HIVEP3: variants seen among roughly 807,000 people sequenced by gnomAD.
HIVEP3 encodes transcription factor HIVEP3.
In HIVEP3, 49 loss-of-function variants were observed where a neutral mutation model predicts 152.8. The ratio of observed to expected loss-of-function variants is 0.32; its 90% CI spans 0.26 to 0.41. The LOEUF (loss-of-function observed/expected upper bound fraction) is 0.41. Among genes scored for constraint, HIVEP3 ranks in the 10% least tolerant of loss-of-function variants. The probability of loss-of-function intolerance (pLI) is 1.00; values close to 1 mark genes in which losing one functional copy is unlikely to be tolerated. For synonymous variants in HIVEP3, 1,269 were observed against 1,289.0 expected (o/e 0.98, Z 0.33); for missense variants, 2,790 against 3,103.3 (o/e 0.90, Z 2.40).
At position 41,513,076 on chromosome 1, in the gene HIVEP3, C is replaced by G. The variant is rs781092073; in HGVS notation, c.6145G>C (p.Ala2049Pro). 6.2e-7 allele frequency: 1 copy of G among 1,613,896 alleles called. No homozygotes were observed. Among genetic ancestry groups the G allele is most frequent in the South Asian group, 1.1e-5 (1 of 91,080 alleles). The change falls in exon 8 of 9, where the codon GCA becomes CCA. Residue 2049 changes from alanine to proline, a missense_variant. By Grantham distance (27) the Ala-to-Pro change is conservative. Coordinates refer to ENST00000372583, the MANE Select transcript of HIVEP3 (RefSeq NM_024503.5). ...CCCTCGAGTTTGGAGAGCACATGTG[C>G]TCGAGGGGCCAGTTCTCTTCCCAGG... is the stretch of plus-strand genomic sequence containing the variant. ...CPLGRELAPR[A>P]HVLSKLEGTT...
chr1:41,930,754 C>T (rs1644992678), intron 1 of HIVEP3, among the ~76,000 whole-genome samples: 1 of 152,138 alleles, frequency 6.6e-6, no homozygotes, highest in South Asian at 2.1e-4. Flanking sequence ...GTTCCAGAGG[C>T]TCTGCATCCT....
At chr1:41,728,253 C>T (rs1002667593) in intron 1 of HIVEP3, among the ~76,000 whole-genome samples, 1 of 152,180 alleles carries the variant, frequency 6.6e-6, no homozygotes, top group Admixed American at 6.5e-5. Context: ...AAAGCTAGAA[C>T]AATAAGCATA....
intron 1 of HIVEP3, among the ~76,000 whole-genome samples, chr1:41,816,269 G>A (rs1171429467): frequency 6.6e-6 from 1 of 152,172 alleles, no homozygotes; most frequent in Non-Finnish European, 1.5e-5. Context: ...TGGCACAATC[G>A]GGGTGGGTAC....
chr1:41,665,419 T>C (rs1645779791), intron 2 of HIVEP3, among the ~76,000 whole-genome samples: 1 of 152,076 alleles, frequency 6.6e-6, no homozygotes, highest in Admixed American at 6.5e-5. Context: ...TACTTGGCCC[T>C]GGGGGCCTTC....
intron 1 of HIVEP3, among the ~76,000 whole-genome samples, chr1:42,006,342 C>T (rs1221825880): frequency 2.0e-5 from 3 of 152,040 alleles, no homozygotes; most frequent in Non-Finnish European, 4.4e-5. Flanking sequence ...TGCAAAGCAC[C>T]AGAGCAGCGG....
chr1:41,924,032 T>C (rs930592717), intron 1 of HIVEP3, among the ~76,000 whole-genome samples: 4 of 152,160 alleles, frequency 2.6e-5, no homozygotes, highest in South Asian at 2.1e-4. Flanking sequence ...TTTCACCTTA[T>C]ATGGCAAAAG....
chr1:41,631,858 C>T (rs35608410), intron 2 of HIVEP3, among the ~76,000 whole-genome samples: 3,086 of 152,268 alleles, frequency 0.02, 40 homozygotes, highest in Middle Eastern at 0.048. Context: ...TGTAGAAACA[C>T]TCACTTCTCA....
At chr1:41,943,721 C>T (rs373038969) in intron 1 of HIVEP3, among the ~76,000 whole-genome samples, 3 of 152,134 alleles carry the variant, frequency 2.0e-5, no homozygotes, top group East Asian at 1.9e-4. Context: ...TAAATTAGTA[C>T]GGTTATGGCA....
At chr1:42,024,084 G>A (rs562279615) in intron 1 of HIVEP3, among the ~76,000 whole-genome samples, 2 of 152,246 alleles carry the variant, frequency 1.3e-5, no homozygotes, top group South Asian at 4.1e-4. Context: ...AATAAGACAT[G>A]ATATCCATAC....
intron 1 of HIVEP3, among the ~76,000 whole-genome samples, chr1:41,913,011 C>T (rs1018951219): frequency 4.6e-5 from 7 of 152,194 alleles, no homozygotes; most frequent in African/African-American, 7.2e-5. Context: ...CTGTATGTTG[C>T]AAAGCCACAG....
At chr1:41,586,862 TAGA>T (rs1218241161) in intron 3 of HIVEP3, among the ~76,000 whole-genome samples, 3 of 151,984 alleles carry the variant, frequency 2.0e-5, no homozygotes, top group Non-Finnish European at 4.4e-5. Flanking sequence ...ACCATATTTA[TAGA>T]AGAATGACAA....
At chr1:41,703,457 A>G (rs539481489) in intron 1 of HIVEP3, among the ~76,000 whole-genome samples, 1 of 152,168 alleles carries the variant, frequency 6.6e-6, no homozygotes. Flanking sequence ...TCTGATACTT[A>G]ATAGCTGTGG....
intron 2 of HIVEP3, among the ~76,000 whole-genome samples, chr1:41,699,537 G>A (rs995032752): frequency 2.0e-5 from 3 of 152,248 alleles, no homozygotes; most frequent in South Asian, 2.1e-4. Context: ...CTGCCCAGGA[G>A]GGGGTGGCCT....
intron 1 of HIVEP3, among the ~76,000 whole-genome samples, chr1:41,710,218 T>C (rs983220458): frequency 2.6e-5 from 4 of 152,028 alleles, no homozygotes; most frequent in African/African-American, 4.8e-5. Context: ...ACCTCCCCTC[T>C]CCTAGCATGG....
chr1:41,550,023 C>A (rs2149080437), intron 5 of HIVEP3, among the ~76,000 whole-genome samples: 1 of 152,278 alleles, frequency 6.6e-6, no homozygotes, highest in South Asian at 2.1e-4. Context: ...ACATTTAAGT[C>A]TTTAATCCAT....
chr1:41,552,429 C>T (rs1431759857), intron 5 of HIVEP3, among the ~76,000 whole-genome samples: 1 of 146,144 alleles, frequency 6.8e-6, no homozygotes, highest in African/African-American at 2.5e-5. Flanking sequence ...CATGTATTCT[C>T]ATTGTTCAAT....
chr1:41,605,930 A>T (rs1344285003), intron 3 of HIVEP3, among the ~76,000 whole-genome samples: 1 of 152,200 alleles, frequency 6.6e-6, no homozygotes, highest in Admixed American at 6.5e-5. Context: ...CACGGTCATG[A>T]TACATCTGAT....
rs56967197 is a variant in HIVEP3 at position 41,857,983 on chromosome 1, A to ATCTCTCTCTCTCTCTCTC, written c.-801+60412_-801+60429dup. ...CTGTGAAATCTCAATCAATCAATCA[A>ATCTCTCTCTCTCTCTCTC]TCTCTCTCTCTCTCTCTCTCACCAT... On this transcript the variant is annotated intron_variant, in intron 1 of 8. Coordinates refer to ENST00000372583, the MANE Select transcript of HIVEP3 (RefSeq NM_024503.5). 2.6e-3 allele frequency among the ~76,000 whole-genome samples: 392 copies of ATCTCTCTCTCTCTCTCTC among 148,582 alleles called. 3 individuals are homozygous for ATCTCTCTCTCTCTCTCTC. The highest frequency in any genetic ancestry group is 5.2e-3 in the African/African-American group (208 of 40,000).
intron 5 of HIVEP3, among the ~76,000 whole-genome samples, chr1:41,566,796 G>A (rs1644170651): frequency 6.6e-6 from 1 of 152,096 alleles, no homozygotes; most frequent in South Asian, 2.1e-4. Flanking sequence ...GTCTCTTCCT[G>A]CTTCTCTGGC....
Sources: allele counts gnomAD v4.1 joint callset (sites outside exome capture counted in the v4.1 genomes callset), GRCh38; gene constraint gnomAD v4.1.1; transcripts MANE v1.5; gene names NCBI Gene and HGNC (gene_info 2026-07-23, HGNC 2026-07-21).